FAM117B: variants seen among roughly 807,000 people sequenced by gnomAD.
FAM117B encodes the protein protein FAM117B.
A neutral mutation model predicts 52.8 loss-of-function variants in FAM117B; 22 were observed. That is an observed-to-expected ratio of 0.42 (90% CI 0.30 to 0.59). The LOEUF (loss-of-function observed/expected upper bound fraction) is 0.59, where lower values mean the gene tolerates loss of function less well. Ranked by LOEUF, FAM117B falls within the 20% of genes least tolerant of loss-of-function variation. The pLI, the probability that FAM117B is intolerant of heterozygous loss-of-function variation, is 0.22. For missense variants in FAM117B, 678 were observed against 802.6 expected, an observed-to-expected ratio of 0.84 and a Z score of 1.88; for synonymous variants, 309 against 324.1, an observed-to-expected ratio of 0.95 and a Z score of 0.50.
At chr2:202,655,738 G>C (rs1347067887) in intron 1 of FAM117B, among the ~76,000 whole-genome samples, 4 of 149,848 alleles carry the variant, frequency 2.7e-5, no homozygotes, top group African/African-American at 5.0e-5. Context: ...GAGAGAGAGA[G>C]AGAGAGAGAG....
At chr2:202,649,025 T>C (rs1285627666) in intron 1 of FAM117B, among the ~76,000 whole-genome samples, 1 of 152,174 alleles carries the variant, frequency 6.6e-6, no homozygotes, top group South Asian at 2.1e-4. Context: ...GTGCTGGGAT[T>C]ACAGGCATGA....
In FAM117B at chr2:202,759,831, A is replaced by G. The variant is rs372211025; in HGVS notation, c.1451+478A>G. On this transcript the variant is annotated intron_variant, in intron 7 of 7. Transcript: ENST00000392238. ...CTCGGCCTACCAAAGTGCTGGGATTACAGGCATGAGCCACTGCGCCTGGCC... is the reference window on the plus strand; with the variant it reads ...CTCGGCCTACCAAAGTGCTGGGATTGCAGGCATGAGCCACTGCGCCTGGCC... Among the ~76,000 whole-genome samples the G allele has an allele frequency of 3.4e-4, 52 of 152,064 alleles. No individual in the cohort carries two copies. The East Asian group carries it at 5.8e-3, about 17-fold the overall frequency.
At chr2:202,666,439 C>T (rs1690205911) in intron 1 of FAM117B, among the ~76,000 whole-genome samples, 1 of 151,560 alleles carries the variant, frequency 6.6e-6, no homozygotes, top group African/African-American at 2.4e-5. Context: ...AGTCATAATT[C>T]TAGGTGAGGA....
At chr2:202,659,257 C>T (rs1036561109) in intron 1 of FAM117B, among the ~76,000 whole-genome samples, 3 of 152,100 alleles carry the variant, frequency 2.0e-5, no homozygotes, top group African/African-American at 7.2e-5. Context: ...CCACCTGTCT[C>T]GGCCTCCCAA....
rs143092726 is a variant in FAM117B at position 202,727,997 on chromosome 2, G to A, written c.960+1634G>A. 2.8e-3 allele frequency among the ~76,000 whole-genome samples: 428 copies of A among 152,152 alleles called. 2 individuals carry two copies. Among genetic ancestry groups the A allele is most frequent in the African/African-American group, 9.5e-3 (394 of 41,492 alleles). The stretch of plus-strand genomic sequence containing the variant: ...ATAGAGATTGTTTTTTGTTTGTTTT[G>A]AGACAGGGTCTTGCTCTGTCACCCA... On this transcript the variant is annotated intron_variant, in intron 4 of 7. Transcript: ENST00000392238.
intron 3 of FAM117B, among the ~76,000 whole-genome samples, chr2:202,726,007 T>G (rs1457331055): frequency 6.6e-6 from 1 of 152,204 alleles, no homozygotes; most frequent in African/African-American, 2.4e-5. Flanking sequence ...TTATTCTAAG[T>G]GCTGAAAACT....
At chr2:202,689,294 T>C (rs987449098) in intron 1 of FAM117B, among the ~76,000 whole-genome samples, 1 of 151,574 alleles carries the variant, frequency 6.6e-6, no homozygotes, top group African/African-American at 2.4e-5. Flanking sequence ...TACAAAAAAT[T>C]AGCCAGGCGT....
intron 1 of FAM117B, among the ~76,000 whole-genome samples, chr2:202,692,402 G>GT (rs1478793025): frequency 1.3e-5 from 2 of 152,010 alleles, no homozygotes; most frequent in Non-Finnish European, 2.9e-5. Context: ...CTTCTGTAAT[G>GT]TACCACATAG....
chr2:202,665,834 C>T (rs181534496), intron 1 of FAM117B, among the ~76,000 whole-genome samples: 10 of 152,246 alleles, frequency 6.6e-5, no homozygotes, highest in East Asian at 5.8e-4. Context: ...CTCCTGACCT[C>T]GGGTGTTCTG....
chr2:202,699,426 C>CAAAAAAAAAAAAAAAAAAAAAAAAAAA (rs751190825), intron 2 of FAM117B, among the ~76,000 whole-genome samples: 1 of 17,914 alleles, frequency 5.6e-5, no homozygotes, highest in Admixed American at 9.7e-4. Flanking sequence ...GACCCCATCT[C>CAAAAAAAAAAAAAAAAAAAAAAAAAAA]AAAAAAAAAA....
At chr2:202,639,249 C>T (rs1029887753) in intron 1 of FAM117B, among the ~76,000 whole-genome samples, 5 of 152,144 alleles carry the variant, frequency 3.3e-5, no homozygotes, top group Non-Finnish European at 5.9e-5. Context: ...GTTAGGGATC[C>T]GGTATCTCAG....
In FAM117B at chr2:202,724,634, A is replaced by C. The variant is rs73992655; in HGVS notation, c.754-283A>C. Among the ~76,000 whole-genome samples the C allele has an allele frequency of 0.083, 12,574 of 152,214 alleles. 1,736 individuals are homozygous for C. Among genetic ancestry groups the C allele is most frequent in the African/African-American group, 0.28 (11,797 of 41,472 alleles). ...TAACTATGGTAACTCTAGTTATTAT[A>C]TATAGTTAACTTTGTTCCATAAATG... is the stretch of plus-strand genomic sequence containing the variant. On this transcript the variant is annotated intron_variant, in intron 2 of 7. Coordinates refer to ENST00000392238, the MANE Select transcript of FAM117B (RefSeq NM_173511.4).
chr2:202,646,919 A>G (rs1296883497), intron 1 of FAM117B, among the ~76,000 whole-genome samples: 1 of 152,122 alleles, frequency 6.6e-6, no homozygotes, highest in Non-Finnish European at 1.5e-5. Flanking sequence ...GATCTAGGGT[A>G]TGTACAAGAG....
At chr2:202,684,175 C>A (rs572405375) in intron 1 of FAM117B, among the ~76,000 whole-genome samples, 1 of 152,232 alleles carries the variant, frequency 6.6e-6, no homozygotes, top group African/African-American at 2.4e-5. Context: ...CCCAAAACTT[C>A]TTGACAAAAT....
At chr2:202,714,987 C>G (rs1691021444) in intron 2 of FAM117B, among the ~76,000 whole-genome samples, 1 of 152,234 alleles carries the variant, frequency 6.6e-6, no homozygotes, top group Admixed American at 6.5e-5. Flanking sequence ...CCACCTTTCC[C>G]CCTTTTCTAT....
In FAM117B at chr2:202,640,163, G is replaced by A. The variant is rs186600030; in HGVS notation, c.601+4375G>A. Among the ~76,000 whole-genome samples, 375 of 150,560 alleles carry A rather than the reference G, an allele frequency of 2.5e-3. 1 individual carries two copies. Among genetic ancestry groups the A allele is most frequent in the Admixed American group, 4.2e-3 (64 of 15,082 alleles). On this transcript the variant is annotated intron_variant, in intron 1 of 7. Coordinates refer to ENST00000392238, the MANE Select transcript of FAM117B (RefSeq NM_173511.4). ...GCAGGCGCCTATAATCCCAGCTACC[G>A]GGGAGGCAGAGGCAGGAGAATCACT... is the stretch of plus-strand genomic sequence containing the variant.
intron 5 of FAM117B, among the ~76,000 whole-genome samples, chr2:202,756,296 G>A (rs1367659339): frequency 3.9e-5 from 6 of 151,980 alleles, no homozygotes; most frequent in African/African-American, 1.2e-4. Context: ...GTGCGTGCCT[G>A]TAATCCCAGC....
intron 4 of FAM117B, among the ~76,000 whole-genome samples, chr2:202,745,365 A>G (rs1202233428): frequency 1.3e-5 from 2 of 152,182 alleles, no homozygotes; most frequent in African/African-American, 2.4e-5. Context: ...CCTACAAGGA[A>G]TACTTAAGCA....
intron 4 of FAM117B, among the ~76,000 whole-genome samples, chr2:202,743,605 T>C (rs1691582717): frequency 6.8e-6 from 1 of 147,456 alleles, no homozygotes; most frequent in Non-Finnish European, 1.5e-5. Flanking sequence ...TCAAAGAAAC[T>C]CAATGACATA....
Sources: gnomAD v4.1 joint callset for allele counts (sites outside exome capture counted in the v4.1 genomes callset) on GRCh38, gnomAD v4.1.1 for gene constraint, MANE v1.5 for transcripts, NCBI Gene and HGNC (gene_info 2026-07-23, HGNC 2026-07-21) for gene names.